The following CCDC102B variants were observed in gnomAD, a reference collection of about 807,000 sequenced individuals.
CCDC102B encodes coiled-coil domain containing 102B, also known as coiled-coil domain-containing protein 102B.
A neutral mutation model predicts 57.4 loss-of-function variants in CCDC102B; 75 were observed. That is an observed-to-expected ratio of 1.31 (90% CI 1.08 to 1.58). CCDC102B has a LOEUF of 1.58. Ranked by LOEUF, CCDC102B falls within the 40% of genes most tolerant of loss-of-function variation. The probability of loss-of-function intolerance (pLI) is 0.00; values close to 1 mark genes in which losing one functional copy is unlikely to be tolerated. For synonymous variants in CCDC102B, 206 were observed against 201.9 expected (o/e 1.02, Z -0.17); for missense variants, 636 against 582.6 (o/e 1.09, Z -0.94).
At chr18:68,743,586 C>T (rs1359337668) in intron 2 of CCDC102B, among the ~76,000 whole-genome samples, 2 of 152,216 alleles carry the variant, frequency 1.3e-5, no homozygotes, top group African/African-American at 2.4e-5. Flanking sequence ...GCCTTCACTC[C>T]AGTCTCTTTC....
Position 68,717,290 on chromosome 18 carries a change from G to A in CCDC102B, c.-67+696G>A, listed in dbSNP as rs1371051800. On this transcript the variant is annotated intron_variant, in intron 2 of 3. Coordinates refer to the CCDC102B transcript ENST00000578970. ...TATTTCTGATGAAATTAGAGACGTTGTAATGAGATGTACTATAAATGTAAA... is the reference window on the plus strand; with the variant it reads ...TATTTCTGATGAAATTAGAGACGTTATAATGAGATGTACTATAAATGTAAA... Among the ~76,000 whole-genome samples the A allele has an allele frequency of 7.9e-5, 12 of 152,234 alleles. No homozygotes were observed. The East Asian group carries it at 2.3e-3, about 29-fold the overall frequency.
At chr18:68,950,631 G>A (rs2049671144) in intron 6 of CCDC102B, among the ~76,000 whole-genome samples, 1 of 151,814 alleles carries the variant, frequency 6.6e-6, no homozygotes, top group African/African-American at 2.4e-5. Context: ...TTTCCCCCTT[G>A]GTTCATTAGA....
chr18:68,765,422 GAGAA>G (rs1369353724), intron 2 of CCDC102B, among the ~76,000 whole-genome samples: 1 of 146,530 alleles, frequency 6.8e-6, no homozygotes, highest in African/African-American at 2.5e-5. Context: ...GAAAGAGAAA[GAGAA>G]AGGAAAGAAG....
At chr18:68,979,955 G>T (rs965170447) in intron 6 of CCDC102B, among the ~76,000 whole-genome samples, 1 of 152,038 alleles carries the variant, frequency 6.6e-6, no homozygotes, top group Non-Finnish European at 1.5e-5. Context: ...GACTCAGAAG[G>T]TACCATTCTG....
rs571172821 is a variant in CCDC102B, at chr18:68,784,284, G to A, written c.-66-39082G>A. Among the ~76,000 whole-genome samples, 6 of 151,466 alleles carry A rather than the reference G, an allele frequency of 4.0e-5. No homozygotes were observed. The East Asian group carries it at 7.7e-4, about 20-fold the overall frequency. On this transcript the variant is annotated intron_variant, in intron 2 of 3. Transcript: ENST00000578970. Reference sequence around the variant, plus strand: ...GCAGAAGGCAAAGGGTGAGTGAGGCGTCTCACATGGTGGGAGCAGGAGGAA... The same window carrying A: ...GCAGAAGGCAAAGGGTGAGTGAGGCATCTCACATGGTGGGAGCAGGAGGAA...
At chr18:68,905,515 A>G (rs896500118) in intron 6 of CCDC102B, among the ~76,000 whole-genome samples, 1 of 151,494 alleles carries the variant, frequency 6.6e-6, no homozygotes, top group African/African-American at 2.4e-5. Flanking sequence ...GTGAAATTTC[A>G]TAACATAAAA....
intron 2 of CCDC102B, among the ~76,000 whole-genome samples, chr18:68,784,039 T>A (rs2035099376): frequency 6.6e-6 from 1 of 152,188 alleles, no homozygotes; most frequent in African/African-American, 2.4e-5. Flanking sequence ...ATTTTTTAAA[T>A]CCTTAAGCTG....
intron 6 of CCDC102B, among the ~76,000 whole-genome samples, chr18:68,921,134 C>T (rs1316451262): frequency 1.3e-5 from 2 of 152,124 alleles, no homozygotes; most frequent in African/African-American, 4.8e-5. Context: ...TACACAGAAA[C>T]GTTTAAGGCC....
At chr18:68,810,525 A>G (rs1035254276) in intron 1 of CCDC102B, among the ~76,000 whole-genome samples, 1 of 152,138 alleles carries the variant, frequency 6.6e-6, no homozygotes, top group Non-Finnish European at 1.5e-5. Context: ...CTCTATTATT[A>G]GCATATCTTA....
At chr18:69,008,558 T>C (rs2051414672) in intron 6 of CCDC102B, among the ~76,000 whole-genome samples, 1 of 152,216 alleles carries the variant, frequency 6.6e-6, no homozygotes, top group African/African-American at 2.4e-5. Context: ...CATTTGACGC[T>C]CATGTCTTCA....
rs766356803 is a variant in CCDC102B, at chr18:68,837,048, G to A, written c.285G>A (p.Trp95Ter). The change falls in exon 2 of 8, where the codon TGG (tryptophan) becomes TGA (stop). Residue 95 changes from tryptophan to a stop codon, truncating the protein, a stop_gained. Coordinates refer to ENST00000360242, the MANE Select transcript of CCDC102B (RefSeq NM_024781.3). LOFTEE classifies it high-confidence loss of function. ...AGATGGAAAAGACCATGCGGTGGTG[G>A]TCGGACTGCACTGCCAACTGGAGAG... is the stretch of plus-strand genomic sequence containing the variant. ...AAQMEKTMRW[W>*]SDCTANWREK... The A allele has an allele frequency of 2.5e-6, 4 of 1,614,182 alleles. No homozygotes were observed. The highest frequency in any genetic ancestry group is 3.3e-4 in the Middle Eastern group (2 of 6,062).
At chr18:68,919,106 T>C (rs1389119603) in intron 6 of CCDC102B, among the ~76,000 whole-genome samples, 1 of 152,004 alleles carries the variant, frequency 6.6e-6, no homozygotes, top group African/African-American at 2.4e-5. Flanking sequence ...TTATCCCTTA[T>C]ATCTATTTTG....
chr18:68,907,599 T>C (rs2040694486), intron 6 of CCDC102B, among the ~76,000 whole-genome samples: 2 of 152,208 alleles, frequency 1.3e-5, no homozygotes, highest in African/African-American at 4.8e-5. Context: ...AGATCATTGC[T>C]CATATGTAGA....
intron 6 of CCDC102B, among the ~76,000 whole-genome samples, chr18:68,930,195 CAT>C (rs963007510): frequency 1.2e-4 from 18 of 149,000 alleles, no homozygotes; most frequent in African/African-American, 3.9e-4. Flanking sequence ...ATATATAACA[CAT>C]ATATGAGTAG....
chr18:68,843,905 T>G (rs970694452), intron 3 of CCDC102B, among the ~76,000 whole-genome samples: 2 of 151,958 alleles, frequency 1.3e-5, no homozygotes, highest in African/African-American at 4.8e-5. Flanking sequence ...CTGCATAAAT[T>G]TAGACATACA....
intron 6 of CCDC102B, among the ~76,000 whole-genome samples, chr18:68,967,931 GA>G (rs1284051400): frequency 6.6e-6 from 1 of 151,836 alleles, no homozygotes; most frequent in African/African-American, 2.4e-5. Flanking sequence ...AATACTATCA[GA>G]AAAAAATTAC....
At chr18:68,780,605 A>G (rs1257242794) in intron 2 of CCDC102B, among the ~76,000 whole-genome samples, 1 of 151,848 alleles carries the variant, frequency 6.6e-6, no homozygotes, top group African/African-American at 2.4e-5. Flanking sequence ...TTATAATCTT[A>G]GCTATTCCAG....
chr18:68,968,969 A>T (rs1023218482), intron 6 of CCDC102B, among the ~76,000 whole-genome samples: 1 of 152,172 alleles, frequency 6.6e-6, no homozygotes, highest in Non-Finnish European at 1.5e-5. Context: ...GTTTTTTTGT[A>T]TACCAATTAT....
intron 2 of CCDC102B, among the ~76,000 whole-genome samples, chr18:68,781,333 G>A (rs1379469783): frequency 9.7e-6 from 1 of 103,086 alleles, no homozygotes; most frequent in Non-Finnish European, 2.0e-5. Context: ...GAATGAGTGG[G>A]TGGACAAAGA....
Sources: allele counts gnomAD v4.1 joint callset (sites outside exome capture counted in the v4.1 genomes callset), GRCh38; gene constraint gnomAD v4.1.1; transcripts MANE v1.5; gene names NCBI Gene and HGNC (gene_info 2026-07-23, HGNC 2026-07-21).